Variants in INTS9 observed in about 807,000 individuals in gnomAD.
INTS9 encodes the protein integrator complex subunit 9.
Under a neutral mutation model 79.7 loss-of-function variants are expected in INTS9, and 55 were observed. The ratio of observed to expected loss-of-function variants is 0.69; its 90% CI spans 0.56 to 0.86. The LOEUF is 0.86. INTS9 is among the 40% of genes least tolerant of loss of function. The pLI is 0.00. For missense variants in INTS9, 721 were observed against 831.5 expected (o/e 0.87, Z 1.64); for synonymous variants, 319 against 325.2 (o/e 0.98, Z 0.20).
intron 1 of INTS9, among the ~76,000 whole-genome samples, chr8:28,875,048 A>T (rs539270274): frequency 1.3e-5 from 2 of 152,134 alleles, no homozygotes; most frequent in East Asian, 3.9e-4. Flanking sequence ...AAACCATCAG[A>T]TCTTGTGAGA....
At chr8:28,825,293 T>C (rs892594459) in intron 6 of INTS9, among the ~76,000 whole-genome samples, 6 of 152,142 alleles carry the variant, frequency 3.9e-5, no homozygotes, top group African/African-American at 1.4e-4. Context: ...GCAGGGACCG[T>C]GATGGATAAT....
intron 4 of INTS9, among the ~76,000 whole-genome samples, chr8:28,845,550 A>G (rs1327441910): frequency 1.3e-5 from 2 of 152,240 alleles, no homozygotes; most frequent in Non-Finnish European, 2.9e-5. Context: ...AGCCATCGGG[A>G]CAGCAATTCA....
intron 13 of INTS9, among the ~76,000 whole-genome samples, chr8:28,777,450 G>A (rs540713126): frequency 6.6e-6 from 1 of 152,142 alleles, no homozygotes; most frequent in South Asian, 2.1e-4. Context: ...CGACAGCACT[G>A]TTTGTGGTAC....
intron 6 of INTS9, among the ~76,000 whole-genome samples, chr8:28,826,419 A>G (rs893983881): frequency 5.9e-5 from 9 of 152,152 alleles, no homozygotes; most frequent in African/African-American, 2.2e-4. Flanking sequence ...GGTGAAAAAA[A>G]TCAAGGAGGA....
chr8:28,800,799 T>C (rs944771281), intron 8 of INTS9, among the ~76,000 whole-genome samples: 1 of 152,226 alleles, frequency 6.6e-6, no homozygotes, highest in Non-Finnish European at 1.5e-5. Flanking sequence ...GAAATATCAC[T>C]AACTATGTGA....
intron 16 of INTS9, among the ~76,000 whole-genome samples, chr8:28,768,739 A>G (rs1455375572): frequency 2.0e-5 from 3 of 152,252 alleles, no homozygotes; most frequent in African/African-American, 7.2e-5. Flanking sequence ...AGAGTGAAGG[A>G]GAGAAGGCAG....
chr8:28,814,316 A>T (rs1022820240), intron 6 of INTS9, among the ~76,000 whole-genome samples: 3 of 136,520 alleles, frequency 2.2e-5, no homozygotes, highest in Non-Finnish European at 3.4e-5. Flanking sequence ...ACACACACAC[A>T]CACACACACA....
intron 1 of INTS9, among the ~76,000 whole-genome samples, chr8:28,873,387 T>C: frequency 6.6e-6 from 1 of 152,214 alleles, no homozygotes; most frequent in East Asian, 1.9e-4. Flanking sequence ...AAGTTGCTAT[T>C]TGCAGACAGG....
At position 28,779,321 on chromosome 8, in the gene INTS9, G is replaced by A. The variant is rs191969090; in HGVS notation, c.1271-1368C>T. 1.4e-3 allele frequency among the ~76,000 whole-genome samples: 218 copies of A among 152,298 alleles called. 1 individual carries two copies. Among genetic ancestry groups the A allele is most frequent in the African/African-American group, 4.9e-3 (202 of 41,560 alleles). ...GAAGAGGAAAGCAGTCCTGGTGACCGGGGCCTCTCCTGGCACTTTCTGCCT... is the reference window on the plus strand; with the variant it reads ...GAAGAGGAAAGCAGTCCTGGTGACCAGGGCCTCTCCTGGCACTTTCTGCCT... On this transcript the variant is annotated intron_variant, in intron 12 of 16. Transcript: ENST00000521022.
At chr8:28,803,094 C>A (rs1029305295) in intron 8 of INTS9, among the ~76,000 whole-genome samples, 4 of 152,058 alleles carry the variant, frequency 2.6e-5, no homozygotes, top group African/African-American at 9.7e-5. Context: ...ACCTGGGCAA[C>A]AGAGTGAGAC....
intron 2 of INTS9, among the ~76,000 whole-genome samples, chr8:28,851,214 A>G (rs906727417): frequency 1.3e-5 from 2 of 151,016 alleles, no homozygotes; most frequent in African/African-American, 5.0e-5. Flanking sequence ...AGAATCAGAA[A>G]CCAAGTATCT....
At chr8:28,792,039 T>C (rs1803946374) in intron 10 of INTS9, among the ~76,000 whole-genome samples, 1 of 152,210 alleles carries the variant, frequency 6.6e-6, no homozygotes, top group Non-Finnish European at 1.5e-5. Flanking sequence ...AGAAATGTAC[T>C]TTACCACAGA....
chr8:28,881,173 G>A lies in INTS9; in HGVS notation c.9+8701C>T, dbSNP rs1452671930. On this transcript the variant is annotated intron_variant, in intron 1 of 16. Transcript: ENST00000521022. ...CTGGCCGCCCCGTCCGGGAGGTGAGGGGCGCCTCTGCCCGGCCGCCCCTAC... is the reference window on the plus strand; with the variant it reads ...CTGGCCGCCCCGTCCGGGAGGTGAGAGGCGCCTCTGCCCGGCCGCCCCTAC... Among the ~76,000 whole-genome samples, 4 of 146,358 alleles carry A rather than the reference G, an allele frequency of 2.7e-5. No homozygotes were observed. The East Asian group carries it at 8.5e-4, about 31-fold the overall frequency.
At chr8:28,868,072 G>C (rs1808861677) in intron 1 of INTS9, among the ~76,000 whole-genome samples, 1 of 152,152 alleles carries the variant, frequency 6.6e-6, no homozygotes, top group Non-Finnish European at 1.5e-5. Flanking sequence ...CAGTATGAAA[G>C]GCATTGTCAG....
chr8:28,886,037 T>C (rs1417254066), intron 1 of INTS9, among the ~76,000 whole-genome samples: 5 of 152,138 alleles, frequency 3.3e-5, no homozygotes, highest in African/African-American at 9.7e-5. Context: ...ATGGCATCCA[T>C]TGTTTTCATG....
chr8:28,875,722 G>T (rs190317271), intron 1 of INTS9, among the ~76,000 whole-genome samples: 2 of 152,068 alleles, frequency 1.3e-5, no homozygotes, highest in Admixed American at 1.3e-4. Flanking sequence ...CTGTATCAGG[G>T]GCTATCACCA....
At chr8:28,841,200 C>T (rs763500700) in intron 4 of INTS9, among the ~76,000 whole-genome samples, 1 of 152,204 alleles carries the variant, frequency 6.6e-6, no homozygotes, top group Non-Finnish European at 1.5e-5. Context: ...CTATCCCAAC[C>T]TTCACCCCAA....
chr8:28,794,731 A>G (rs1436501368), intron 9 of INTS9, among the ~76,000 whole-genome samples: 2 of 152,208 alleles, frequency 1.3e-5, no homozygotes, highest in African/African-American at 4.8e-5. Flanking sequence ...GCCAGAGAAC[A>G]TGTTGAAAAT....
intron 5 of INTS9, among the ~76,000 whole-genome samples, chr8:28,836,974 A>G (rs1463756615): frequency 6.6e-6 from 1 of 152,240 alleles, no homozygotes. Flanking sequence ...ATAAATTGAC[A>G]AATTTTTTTT....
Sources: gnomAD v4.1 joint callset for allele counts (sites outside exome capture counted in the v4.1 genomes callset) on GRCh38, gnomAD v4.1.1 for gene constraint, MANE v1.5 for transcripts, NCBI Gene and HGNC (gene_info 2026-07-23, HGNC 2026-07-21) for gene names.